DCDC2C: variants seen among roughly 807,000 people sequenced by gnomAD.
DCDC2C encodes doublecortin domain-containing protein 2C.
Under a neutral mutation model 45.0 loss-of-function variants are expected in DCDC2C, and 44 were observed. The ratio of observed to expected loss-of-function variants is 0.98; its 90% confidence interval spans 0.77 to 1.26. The LOEUF is 1.26. DCDC2C is among the 50% of genes most tolerant of loss of function. The pLI, the probability that DCDC2C is intolerant of heterozygous loss-of-function variation, is 0.00. For missense variants in DCDC2C, 447 were observed against 468.9 expected, an observed-to-expected ratio of 0.95 and a Z score of 0.43; for synonymous variants, 187 against 178.8, an observed-to-expected ratio of 1.05 and a Z score of -0.37.
rs575447227 is a variant in DCDC2C at position 3,740,883 on chromosome 2, CAAA to C, written c.417-1033_417-1031del. ...AGTTATTTGCATTTAAGGAAGAAGA[CAAA>C]AAATGGCAGTAATAGTAAATTATAA... On this transcript the variant is annotated intron_variant, in intron 3 of 10. Coordinates refer to ENST00000399143, the MANE Select transcript of DCDC2C (RefSeq NM_001287444.2). 5.2e-3 allele frequency among the ~76,000 whole-genome samples: 797 copies of C among 151,834 alleles called. 7 individuals carry two copies. Among genetic ancestry groups the C allele is most frequent in the African/African-American group, 0.018 (760 of 41,390 alleles).
intron 2 of DCDC2C, among the ~76,000 whole-genome samples, chr2:3,724,041 A>T (rs1362581859): frequency 6.6e-6 from 1 of 152,040 alleles, no homozygotes; most frequent in Non-Finnish European, 1.5e-5. Context: ...TTACTGTGTT[A>T]TAGGTATTGC....
intron 2 of DCDC2C, among the ~76,000 whole-genome samples, chr2:3,722,903 G>A (rs79357234): frequency 0.026 from 3,950 of 152,264 alleles, 110 homozygotes; most frequent in East Asian, 0.1. Flanking sequence ...GATAATTTCC[G>A]TTGTTTTGTT....
chr2:3,785,344 A>T (rs1216479343), intron 10 of DCDC2C, among the ~76,000 whole-genome samples: 1 of 152,192 alleles, frequency 6.6e-6, no homozygotes, highest in Non-Finnish European at 1.5e-5. Context: ...AACCAGGAGT[A>T]AAAAGCGCCC....
chr2:3,789,487 CA>C (rs1322091978), intron 10 of DCDC2C, among the ~76,000 whole-genome samples: 1 of 152,228 alleles, frequency 6.6e-6, no homozygotes, highest in African/African-American at 2.4e-5. Flanking sequence ...TCTCAAGAAA[CA>C]ATTACTCATT....
In DCDC2C at chr2:3,784,995, A is replaced by C. The variant is rs372094711; in HGVS notation, c.1024-64A>C. The stretch of plus-strand genomic sequence containing the variant: ...AGGCAGAGTAGAGGTGGGGGAGATT[A>C]AGGATTTATTTTACAACATCCTTCT... On this transcript the variant is annotated intron_variant, in intron 9 of 10. Coordinates refer to ENST00000399143, the MANE Select transcript of DCDC2C (RefSeq NM_001287444.2). 64 of 1,153,316 alleles carry C rather than the reference A, an allele frequency of 5.5e-5. No individual in the cohort carries two copies. In the East Asian group the frequency reaches 6.1e-4, roughly 11 times the overall value. 71.4% of individuals were successfully genotyped at this position (1,153,316 alleles called of 1,614,324 possible). A position where few individuals can be genotyped will look rare whatever the true frequency, so the allele number is the denominator to read the frequency against.
intron 10 of DCDC2C, among the ~76,000 whole-genome samples, chr2:3,812,693 C>T (rs1481028267): frequency 6.6e-6 from 1 of 152,046 alleles, no homozygotes; most frequent in African/African-American, 2.4e-5. Flanking sequence ...TGAGTTATTT[C>T]AGGCTTTCTG....
chr2:3,716,126 G>A (rs1433569110), intron 2 of DCDC2C, among the ~76,000 whole-genome samples: 1 of 152,204 alleles, frequency 6.6e-6, no homozygotes, highest in Non-Finnish European at 1.5e-5. Context: ...GGAGGCTGCT[G>A]CAATGATCCA....
chr2:3,841,380 TTATTTTATATTAA>T (rs1162523451), intron 10 of DCDC2C, among the ~76,000 whole-genome samples: 4 of 149,890 alleles, frequency 2.7e-5, no homozygotes, highest in African/African-American at 9.8e-5. Context: ...AGCACAAATA[TTATTTTATATTAA>T]TATTTTATAT....
At chr2:3,841,872 GT>G (rs1370076764) in intron 10 of DCDC2C, among the ~76,000 whole-genome samples, 3 of 151,526 alleles carry the variant, frequency 2.0e-5, no homozygotes, top group African/African-American at 7.3e-5. Context: ...TTTTTTTTCT[GT>G]TTAAGCTTTT....
intron 2 of DCDC2C, among the ~76,000 whole-genome samples, chr2:3,717,049 C>T (rs1308417719): frequency 1.3e-5 from 2 of 152,132 alleles, no homozygotes; most frequent in Non-Finnish European, 2.9e-5. Context: ...TGAAGCTCTT[C>T]TCTTCTCATT....
chr2:3,812,755 T>C (rs1017908761), intron 10 of DCDC2C, among the ~76,000 whole-genome samples: 18 of 152,290 alleles, frequency 1.2e-4, no homozygotes, highest in African/African-American at 4.3e-4. Context: ...TGTAGCTGTG[T>C]CCCAGAGAGT....
At position 3,752,661 on chromosome 2, in the gene DCDC2C, C is replaced by A. The variant is rs544305489; in HGVS notation, c.546-102C>A. ...CTTACGATGAGCACTGTTTCTCCAGCGGTCCATGCACTAGTCATGTCATAG... is the reference window on the plus strand; with the variant it reads ...CTTACGATGAGCACTGTTTCTCCAGAGGTCCATGCACTAGTCATGTCATAG... On this transcript the variant is annotated intron_variant, in intron 4 of 10. Transcript: ENST00000399143. 4.4e-6 allele frequency: 6 copies of A among 1,353,370 alleles called. 1 individual carries two copies. In the South Asian group the frequency reaches 6.3e-5, roughly 14 times the overall value. The allele number at this position is 1,353,370 out of a possible 1,614,324, so 83.8% of individuals were successfully genotyped here. A position where few individuals can be genotyped will look rare whatever the true frequency, so the allele number is the denominator to read the frequency against.
At chr2:3,810,978 T>C (rs1216537770) in intron 10 of DCDC2C, among the ~76,000 whole-genome samples, 6 of 152,218 alleles carry the variant, frequency 3.9e-5, no homozygotes, top group Non-Finnish European at 8.8e-5. Context: ...TTTTGGTTAC[T>C]GTAGCCTTGT....
chr2:3,718,820 G>T (rs1037484039), intron 2 of DCDC2C, among the ~76,000 whole-genome samples: 4 of 152,186 alleles, frequency 2.6e-5, no homozygotes, highest in African/African-American at 9.7e-5. Flanking sequence ...TTACTTAAAG[G>T]TGGCACGGAC....
At chr2:3,783,662 G>A (rs1338266586) in intron 9 of DCDC2C, among the ~76,000 whole-genome samples, 1 of 152,224 alleles carries the variant, frequency 6.6e-6, no homozygotes, top group Non-Finnish European at 1.5e-5. Flanking sequence ...TAGAGACTCT[G>A]GAAGATATTA....
At chr2:3,725,455 GAGGAGGCTGCCCGGTGGATCCCAGAGGA>G (rs1668623225) in intron 2 of DCDC2C, among the ~76,000 whole-genome samples, 6 of 104,700 alleles carry the variant, frequency 5.7e-5, no homozygotes, top group East Asian at 2.9e-4. Flanking sequence ...AGCAGAGAGG[GAGGAGGCTGCCCGGTGGATCCCAGAGGA>G]AGACGAGCAG....
At chr2:3,750,596 C>A (rs139582297) in intron 4 of DCDC2C, among the ~76,000 whole-genome samples, 1 of 152,074 alleles carries the variant, frequency 6.6e-6, no homozygotes. Context: ...TGAAAGGCCC[C>A]GGTTGGTCCT....
intron 10 of DCDC2C, among the ~76,000 whole-genome samples, chr2:3,825,770 A>C (rs1486586007): frequency 6.6e-6 from 1 of 152,114 alleles, no homozygotes; most frequent in African/African-American, 2.4e-5. Context: ...GGCAGAATGA[A>C]GCTGATCACT....
chr2:3,752,719 T>G, intron 4 of DCDC2C, 44 bp from the exon 5 acceptor site: 1 of 1,547,822 alleles, frequency 6.5e-7, no homozygotes, highest in East Asian at 2.4e-5. Context: ...CCTATGCTAC[T>G]GGTCCTCAAG....
Sources: gnomAD v4.1 joint callset for allele counts (sites outside exome capture counted in the v4.1 genomes callset) on GRCh38, gnomAD v4.1.1 for gene constraint, MANE v1.5 for transcripts, NCBI Gene and HGNC (gene_info 2026-07-23, HGNC 2026-07-21) for gene names.